Variants in TMPRSS2 observed in about 807,000 individuals in gnomAD.
The protein encoded by TMPRSS2 is transmembrane protease serine 2.
Under a neutral mutation model 67.4 loss-of-function variants are expected in TMPRSS2, and 59 were observed. That is an observed-to-expected ratio of 0.88 (90% CI 0.71 to 1.09). The LOEUF (loss-of-function observed/expected upper bound fraction) is 1.09. TMPRSS2 is among the 50% of genes least tolerant of loss of function. TMPRSS2 has a pLI of 0.00. For missense variants in TMPRSS2, 668 were observed against 642.7 expected (o/e 1.04, Z -0.43); for synonymous variants, 257 against 257.0 (o/e 1.00, Z 0.00).
At chr21:41,475,590 GGGAT>G (rs2091203237) in intron 8 of TMPRSS2, among the ~76,000 whole-genome samples, 1 of 37,956 alleles carries the variant, frequency 2.6e-5, no homozygotes, top group Non-Finnish European at 6.0e-5. Flanking sequence ...GGGTGAGGGA[GGGAT>G]GAGGGGGAGA....
chr21:41,498,327 G>T, intron 1 of TMPRSS2, 138 bp from the exon 2 acceptor site: 1 of 601,242 alleles, frequency 1.7e-6, no homozygotes, highest in Non-Finnish European at 2.9e-6. Context: ...CCTTTGGCCT[G>T]CATCTTCACC....
chr21:41,500,996 G>C (rs1252239399), intron 1 of TMPRSS2, among the ~76,000 whole-genome samples: 1 of 152,150 alleles, frequency 6.6e-6, no homozygotes, highest in Non-Finnish European at 1.5e-5. Context: ...TACAGGTTTG[G>C]TTGAAGTTTC....
chr21:41,495,004 G>A (rs1439824617), intron 2 of TMPRSS2, among the ~76,000 whole-genome samples: 2 of 150,836 alleles, frequency 1.3e-5, no homozygotes, highest in African/African-American at 4.9e-5. Flanking sequence ...GGGAGGCAGA[G>A]ATTGCAGTGA....
intron 10 of TMPRSS2, 93 bp downstream of exon 10, chr21:41,471,713 C>A: frequency 5.6e-6 from 8 of 1,427,272 alleles, no homozygotes; most frequent in Non-Finnish European, 6.6e-6. Context: ...ACGCAAATGC[C>A]TCCCTTCCAT....
At chr21:41,476,482 C>T (rs1240242657) in intron 8 of TMPRSS2, 95 bp downstream of exon 8, 1 of 1,308,914 alleles carries the variant, frequency 7.6e-7, no homozygotes, top group Non-Finnish European at 1.1e-6. Flanking sequence ...ACCTTCTTCC[C>T]TCCCACGCCC....
intron 2 of TMPRSS2, among the ~76,000 whole-genome samples, chr21:41,495,569 G>A (rs2091375118): frequency 1.4e-5 from 2 of 144,080 alleles, no homozygotes; most frequent in Non-Finnish European, 3.0e-5. Flanking sequence ...AAGTTGCAGT[G>A]AATGGAGATC....
At chr21:41,488,004 G>T in intron 5 of TMPRSS2, 1 of 168,086 alleles carries the variant, frequency 5.9e-6, no homozygotes, top group Non-Finnish European at 1.3e-5. Flanking sequence ...TATTGGTCAG[G>T]CTGGTCTCAA....
intron 5 of TMPRSS2, 32 bp downstream of exon 5, chr21:41,488,362 G>A: frequency 6.2e-7 from 1 of 1,602,364 alleles, no homozygotes; most frequent in South Asian, 1.1e-5. Context: ...GGTGAGCAGA[G>A]GAGTCCCTTC....
intron 5 of TMPRSS2, among the ~76,000 whole-genome samples, chr21:41,484,357 G>A (rs569988060): frequency 1.2e-4 from 18 of 152,286 alleles, no homozygotes; most frequent in Admixed American, 6.5e-4. Context: ...TTCTGAGAAA[G>A]ACTCACAGAA....
At chr21:41,488,017 T>C (rs2146466125) in intron 5 of TMPRSS2, 1 of 173,284 alleles carries the variant, frequency 5.8e-6, no homozygotes, top group South Asian at 1.6e-4. Context: ...GGTCTCAAAC[T>C]CCTGACCTCA....
Position 41,508,126 on chromosome 21 carries a change from C to T in TMPRSS2, c.-102G>A, listed in dbSNP as rs541109823. 4.2e-4 allele frequency: 391 copies of T among 934,416 alleles called. No individual in the cohort carries two copies. The highest frequency in any genetic ancestry group is 5.2e-4 in the Non-Finnish European group (364 of 695,770). 57.9% of individuals were successfully genotyped at this position (934,416 alleles called of 1,614,324 possible). A position where few individuals can be genotyped will look rare whatever the true frequency, so the allele number is the denominator to read the frequency against. On this transcript the variant is annotated 5_prime_UTR_variant, in exon 1 of 14. Transcript: ENST00000332149. ...CTCCCCGCCCCTCGCCCTCCGCCTC[C>T]GCCTCCGCCTCCTGCTTAGCTCGCG...
At chr21:41,494,693 TTTTTA>T (rs770528740) in intron 2 of TMPRSS2, 115 bp from the exon 3 acceptor site, 46 of 1,011,440 alleles carry the variant, frequency 4.5e-5, no homozygotes, top group African/African-American at 3.3e-4. Flanking sequence ...ATTGATAATG[TTTTTA>T]TTTTATTTTG....
intron 5 of TMPRSS2, 45 bp from the exon 6 acceptor site, chr21:41,480,647 T>C (rs2091250015): frequency 2.5e-6 from 4 of 1,606,500 alleles, no homozygotes; most frequent in Non-Finnish European, 2.5e-6. Flanking sequence ...TCTTTTTTTT[T>C]CTTTTTTTTG....
intron 2 of TMPRSS2, 21 bp from the exon 3 acceptor site, chr21:41,494,599 T>C (rs376736732): frequency 4.4e-6 from 7 of 1,607,614 alleles, no homozygotes; most frequent in African/African-American, 1.3e-5. Context: ...GAAAAGAAGA[T>C]GAATAATATA....
intron 1 of TMPRSS2, among the ~76,000 whole-genome samples, chr21:41,500,966 G>A (rs1434328050): frequency 6.6e-6 from 1 of 152,090 alleles, no homozygotes; most frequent in Non-Finnish European, 1.5e-5. Context: ...CTGGTTTCTC[G>A]GCTGTCCTAT....
At chr21:41,475,908 C>T (rs1408524902) in intron 8 of TMPRSS2, among the ~76,000 whole-genome samples, 2 of 151,876 alleles carry the variant, frequency 1.3e-5, no homozygotes, top group Admixed American at 1.3e-4. Context: ...CCAGCCCTGC[C>T]GGGATGGGAC....
At chr21:41,479,384 G>C in intron 6 of TMPRSS2, 102 bp from the exon 7 acceptor site, 1 of 853,962 alleles carries the variant, frequency 1.2e-6, no homozygotes, top group Non-Finnish European at 1.8e-6. Context: ...GAATAAGAGG[G>C]AAAAACCTTA....
At position 41,494,419 on chromosome 21, in the gene TMPRSS2, G is replaced by A. The variant is rs2146483368; in HGVS notation, c.175C>T (p.Gln59Ter). Residue 59 changes from glutamine to a stop codon, truncating the protein, a stop_gained, in exon 3 of 14, where the codon CAG becomes TAG. Transcript: ENST00000332149. LOFTEE classifies it high-confidence loss of function. ...GTGCAGACGACGGGGTTGGAAGCCT[G>A]CGTCAGGACCCTCGGGGCGTACTGG... The part of the protein sequence containing the change: ...VPQYAPRVLT[Q>*]ASNPVVCTQP... The A allele has an allele frequency of 6.2e-7, 1 of 1,611,942 alleles. No individual in the cohort carries two copies. Among genetic ancestry groups the A allele is most frequent in the Non-Finnish European group, 8.5e-7 (1 of 1,179,414 alleles).
In TMPRSS2 at chr21:41,494,668, C is replaced by A. The variant is rs745378739; in HGVS notation, c.16-90G>T. The A allele has an allele frequency of 6.1e-6, 7 of 1,153,394 alleles. No homozygotes were observed. In the East Asian group the frequency reaches 1.2e-4, roughly 20 times the overall value. The allele number at this position is 1,153,394 out of a possible 1,614,324, so 71.4% of individuals were successfully genotyped here. Reference sequence around the variant, plus strand: ...ACTATCACATCATACCACAGCTATACCAATGATCTTTTAAATTGATAATGT... The same window carrying A: ...ACTATCACATCATACCACAGCTATAACAATGATCTTTTAAATTGATAATGT... On this transcript the variant is annotated intron_variant, in intron 2 of 13. Coordinates refer to ENST00000332149, the MANE Select transcript of TMPRSS2 (RefSeq NM_005656.4).
Sources: allele counts gnomAD v4.1 joint callset (sites outside exome capture counted in the v4.1 genomes callset), GRCh38; gene constraint gnomAD v4.1.1; transcripts MANE v1.5; gene names NCBI Gene and HGNC (gene_info 2026-07-23, HGNC 2026-07-21).